CD3E: variants seen among roughly 807,000 people sequenced by gnomAD.
CD3E encodes the protein CD3 epsilon subunit of T-cell receptor complex, also known as T-cell surface glycoprotein CD3 epsilon chain.
In CD3E, 16 loss-of-function variants were observed where a neutral mutation model predicts 34.7. That is an observed-to-expected ratio of 0.46 (90% CI 0.31 to 0.70). The LOEUF is 0.70. Among genes scored for constraint, CD3E ranks in the 30% least tolerant of loss-of-function variants. The pLI, the probability that CD3E is intolerant of heterozygous loss-of-function variation, is 0.05. For missense variants in CD3E, 223 were observed against 253.9 expected, an observed-to-expected ratio of 0.88 and a Z score of 0.83; for synonymous variants, 70 against 90.8, an observed-to-expected ratio of 0.77 and a Z score of 1.30.
At position 118,311,381 on chromosome 11, in the gene CD3E, G is replaced by T. The variant is rs115553334; in HGVS notation, c.86-772G>T. Among the ~76,000 whole-genome samples the T allele has an allele frequency of 2.0e-5, 3 of 152,286 alleles. No individual in the cohort carries two copies. The South Asian group carries it at 6.2e-4, about 32-fold the overall frequency. Reference sequence around the variant, plus strand: ...TGTGGGAAACACAGGCTGGACCTACGAATGGCATTAGTGGTTTATTAGTTG... The same window carrying T: ...TGTGGGAAACACAGGCTGGACCTACTAATGGCATTAGTGGTTTATTAGTTG... On this transcript the variant is annotated intron_variant, in intron 4 of 8. Coordinates refer to ENST00000361763, the MANE Select transcript of CD3E (RefSeq NM_000733.4).
rs1948111701 is a variant in CD3E at position 118,307,186 on chromosome 11, G to C, written c.50-102G>C. On this transcript the variant is annotated intron_variant, in intron 2 of 8. Transcript: ENST00000361763. ...CCAGCAGCAAGAGGGAAGGACATCA[G>C]ATGTCATCAGTGGTCATACTGCAAC... 3 of 853,562 alleles carry C rather than the reference G, an allele frequency of 3.5e-6. No homozygotes were observed. In the African/African-American group the frequency reaches 5.0e-5, roughly 14 times the overall value. The allele number at this position is 853,562 out of a possible 1,614,324, so 52.9% of individuals were successfully genotyped here. A position where few individuals can be genotyped will look rare whatever the true frequency, so the allele number is the denominator to read the frequency against.
chr11:118,308,384 C>A (rs757934174), intron 3 of CD3E, 43 bp from the exon 4 acceptor site: 1 of 1,538,524 alleles, frequency 6.5e-7, no homozygotes, highest in Non-Finnish European at 9.0e-7. Flanking sequence ...TCTTCATTGC[C>A]GATAGAAACA....
chr11:118,304,734 A>T lies in CD3E; in HGVS notation c.-102A>T. 1.7e-6 allele frequency: 1 copy of T among 581,560 alleles called. No homozygotes were observed. The highest frequency in any genetic ancestry group is 3.1e-6 in the Non-Finnish European group (1 of 320,632). 36.0% of individuals were successfully genotyped at this position (581,560 alleles called of 1,614,324 possible). A position where few individuals can be genotyped will look rare whatever the true frequency, so the allele number is the denominator to read the frequency against. On this transcript the variant is annotated 5_prime_UTR_variant, in exon 1 of 9. Transcript: ENST00000361763. ...TCTACTTCCTGTGTGGGGTTCAGAA[A>T]CCCTCCTCCCCTCCCAGCCTCAGGT... is the stretch of plus-strand genomic sequence containing the variant.
At position 118,313,043 on chromosome 11, in the gene CD3E, GATTAAAC is replaced by G. The variant is rs1395758216; in HGVS notation, c.352+179_352+185del. On this transcript the variant is annotated intron_variant, in intron 6 of 8. Transcript: ENST00000361763. ...CGGCATCAGTGTTTTCTGGAATATA[GATTAAAC>G]ACCAATATGAGGCTTCTGGGTAACC... is the stretch of plus-strand genomic sequence containing the variant. The G allele has an allele frequency of 2.2e-5, 16 of 743,656 alleles. No individual in the cohort carries two copies. In the South Asian group the frequency reaches 2.3e-4, roughly 11 times the overall value. 46.1% of individuals were successfully genotyped at this position (743,656 alleles called of 1,614,324 possible). A position where few individuals can be genotyped will look rare whatever the true frequency, so the allele number is the denominator to read the frequency against.
chr11:118,307,090 A>G (rs143268713), intron 2 of CD3E, among the ~76,000 whole-genome samples, 198 bp from the exon 3 acceptor site: 1 of 152,024 alleles, frequency 6.6e-6, no homozygotes, highest in African/African-American at 2.4e-5. Flanking sequence ...TTTCCCCCCA[A>G]ATTTCCTGGG....
chr11:118,313,397 T>C, intron 6 of CD3E: 2 of 430,002 alleles, frequency 4.7e-6, no homozygotes, highest in South Asian at 4.3e-5. Context: ...AAGTATCATT[T>C]TATTCCCATG....
intron 2 of CD3E, among the ~76,000 whole-genome samples, chr11:118,305,441 C>T (rs969424964): frequency 6.6e-6 from 1 of 152,184 alleles, no homozygotes; most frequent in African/African-American, 2.4e-5. Flanking sequence ...ATTTTTAGTC[C>T]TTTTCAAGTG....
Position 118,312,630 on chromosome 11 carries a change from C to A in CD3E, c.116C>A (p.Ser39Tyr), listed in dbSNP as rs369130631. Residue 39 changes from serine to tyrosine, a missense_variant, in exon 6 of 9, where the codon TCC becomes TAC. Ser to Tyr is a moderately radical substitution (Grantham distance 144, BLOSUM62 -2). Transcript: ENST00000361763. ...TCTTTCTCCCCAGCATATAAAGTCT[C>A]CATCTCTGGAACCACAGTAATATTG... ...GGITQTPYKV[S>Y]ISGTTVILTC... 3.8e-5 allele frequency: 61 copies of A among 1,614,080 alleles called. No individual in the cohort carries two copies. The highest frequency in any genetic ancestry group is 4.8e-5 in the Non-Finnish European group (57 of 1,180,046).
chr11:118,312,219 G>T (rs201300645), intron 5 of CD3E, 49 bp downstream of exon 5: 6 of 1,516,080 alleles, frequency 4.0e-6, no homozygotes, highest in Middle Eastern at 1.7e-4. Flanking sequence ...ATGCAGATTG[G>T]TGGGTAGATG....
rs781376220 is a variant in CD3E, at chr11:118,314,471, C to T, written c.544C>T (p.Pro182Ser). ...AGGACAAAACAAGGAGAGGCCACCA[C>T]CTGTTCCCAACCCAGACTATGAGGT... Reference protein sequence around the residue: ...QRGQNKERPPPVPNPDYEPIR... With the variant: ...QRGQNKERPPSVPNPDYEPIR... Residue 182 changes from proline to serine, a missense_variant, in exon 8 of 9, where the codon CCT (proline) becomes TCT (serine). Coordinates refer to ENST00000361763, the MANE Select transcript of CD3E (RefSeq NM_000733.4). The T allele has an allele frequency of 6.2e-7, 1 of 1,614,074 alleles. No homozygotes were observed. The highest frequency in any genetic ancestry group is 8.5e-7 in the Non-Finnish European group (1 of 1,179,962).
In CD3E at chr11:118,314,483, C is replaced by A; in HGVS notation, c.556C>A (p.Pro186Thr). Residue 186 changes from proline (P) to threonine (T), a missense_variant, in exon 8 of 9, where the codon CCA becomes ACA. Pro to Thr is a conservative substitution (Grantham distance 38). Transcript: ENST00000361763. ...GGAGAGGCCACCACCTGTTCCCAACCCAGACTATGAGGTAACGTGGGATAG... is the reference window on the plus strand; with the variant it reads ...GGAGAGGCCACCACCTGTTCCCAACACAGACTATGAGGTAACGTGGGATAG... ...NKERPPPVPN[P>T]DYEPIRKGQR... 1 of 1,613,998 alleles carries A rather than the reference C, an allele frequency of 6.2e-7. No homozygotes were observed.
In CD3E at chr11:118,305,004, G is replaced by A. The variant is rs202200315; in HGVS notation, c.49+3G>A. 961 of 1,613,586 alleles carry A rather than the reference G, an allele frequency of 6.0e-4. No individual in the cohort carries two copies. Among genetic ancestry groups the A allele is most frequent in the Non-Finnish European group, 7.3e-4 (859 of 1,179,472 alleles). On this transcript the variant is annotated splice_donor_region_variant and intron_variant, in intron 2 of 8. Transcript: ENST00000361763. The stretch of plus-strand genomic sequence containing the variant: ...TCTGGGCCTCTGCCTCTTATCAGGT[G>A]AGTAGGATGGAGTGGAAAGGGTGGT...
intron 1 of CD3E, 42 bp from the exon 2 acceptor site, chr11:118,304,852 G>A (rs199536835): frequency 2.8e-5 from 27 of 974,774 alleles, no homozygotes; most frequent in Non-Finnish European, 4.4e-5. Context: ...CTTATCTCTA[G>A]CAGATGTTTT....
rs1422573053 is a variant in CD3E at position 118,312,618 on chromosome 11, C to A, written c.104C>A (p.Pro35Gln). 1 of 1,614,172 alleles carries A rather than the reference C, an allele frequency of 6.2e-7. No individual in the cohort carries two copies. Among genetic ancestry groups the A allele is most frequent in the Middle Eastern group, 1.6e-4 (1 of 6,062 alleles). The change falls in exon 6 of 9, where the codon CCA becomes CAA. Residue 35 changes from proline to glutamine, a missense_variant and splice_region_variant. By Grantham distance (76) the Pro-to-Gln change is moderately conservative. Coordinates refer to ENST00000361763, the MANE Select transcript of CD3E (RefSeq NM_000733.4). The stretch of plus-strand genomic sequence containing the variant: ...GCCAATTTCCCTTCTTTCTCCCCAG[C>A]ATATAAAGTCTCCATCTCTGGAACC... The part of the protein sequence containing the change: ...NEEMGGITQT[P>Q]YKVSISGTTV...
intron 3 of CD3E, 123 bp downstream of exon 3, chr11:118,307,431 G>A: frequency 1.2e-6 from 1 of 812,986 alleles, no homozygotes; most frequent in Non-Finnish European, 2.0e-6. Context: ...AGGAGTTTCT[G>A]CCATCTACCC....
intron 3 of CD3E, 125 bp from the exon 4 acceptor site, chr11:118,308,302 T>C (rs2134762447): frequency 4.0e-6 from 3 of 751,282 alleles, no homozygotes; most frequent in Non-Finnish European, 7.2e-6. Flanking sequence ...TCTATGCAGC[T>C]GAGGGAATTG....
chr11:118,307,145 T>C (rs554310296), intron 2 of CD3E, 143 bp from the exon 3 acceptor site: 1 of 673,156 alleles, frequency 1.5e-6, no homozygotes, highest in Non-Finnish European at 2.7e-6. Context: ...TTCTAGGGTG[T>C]AGAAATGGCT....
chr11:118,306,401 G>A (rs918348304), intron 2 of CD3E, among the ~76,000 whole-genome samples: 8 of 151,812 alleles, frequency 5.3e-5, no homozygotes, highest in Admixed American at 2.6e-4. Context: ...AGGCTGAGGT[G>A]GAAGGATCAC....
At chr11:118,307,735 T>C (rs532934668) in intron 3 of CD3E, among the ~76,000 whole-genome samples, 6 of 152,260 alleles carry the variant, frequency 3.9e-5, no homozygotes, top group Non-Finnish European at 7.3e-5. Context: ...CATGTGTATT[T>C]ATGCAAGTGC....
Sources: gnomAD v4.1 joint callset for allele counts (sites outside exome capture counted in the v4.1 genomes callset) on GRCh38, gnomAD v4.1.1 for gene constraint, MANE v1.5 for transcripts, NCBI Gene and HGNC (gene_info 2026-07-23, HGNC 2026-07-21) for gene names.